Variants in FAM53A observed in about 807,000 individuals in gnomAD.
FAM53A encodes the protein protein FAM53A.
FAM53A carries 28 observed loss-of-function variants against 26.6 expected under a neutral mutation model. The observed-to-expected ratio is 1.05, with a 90% CI of 0.78 to 1.45. FAM53A has a LOEUF of 1.45. Ranked by LOEUF, FAM53A falls within the 40% of genes most tolerant of loss-of-function variation. The probability of loss-of-function intolerance (pLI) is 0.00; values close to 1 mark genes in which losing one functional copy is unlikely to be tolerated. For synonymous variants in FAM53A, 290 were observed against 253.1 expected (o/e 1.15, Z -1.38); for missense variants, 650 against 575.8 (o/e 1.13, Z -1.32).
the FAM53A span, among the ~76,000 whole-genome samples, chr4:1,588,651 C>G: frequency 2.0e-5 from 3 of 152,232 alleles, no homozygotes; most frequent in African/African-American, 7.2e-5. Flanking sequence ...CCCAGGCAAG[C>G]CTTCAGGTGA....
At chr4:1,673,125 C>A (rs1246354940) in intron 1 of FAM53A, among the ~76,000 whole-genome samples, 1 of 152,130 alleles carries the variant, frequency 6.6e-6, no homozygotes, top group Non-Finnish European at 1.5e-5. Flanking sequence ...CAAAACAGGC[C>A]AACTCTACAA....
At chr4:1,603,359 C>T in the FAM53A span, among the ~76,000 whole-genome samples, 4 of 152,210 alleles carry the variant, frequency 2.6e-5, no homozygotes, top group East Asian at 1.9e-4. Flanking sequence ...AGGGGCGAGA[C>T]GGCTCCCCTC....
chr4:1,614,601 G>A (rs188868463), downstream of FAM53A, among the ~76,000 whole-genome samples: 576 of 152,192 alleles, frequency 3.8e-3, 5 homozygotes, highest in African/African-American at 0.013. Context: ...GCAAGAGGAC[G>A]GGGCGCCAGG....
chr4:1,677,326 G>A (rs1048064372), intron 1 of FAM53A, among the ~76,000 whole-genome samples: 6 of 152,126 alleles, frequency 3.9e-5, no homozygotes, highest in East Asian at 1.9e-4. Context: ...CTGCATCTCC[G>A]TCTGTTCCTG....
intron 4 of FAM53A, among the ~76,000 whole-genome samples, chr4:1,646,467 CA>C (rs1420688593): frequency 6.6e-6 from 1 of 152,172 alleles, no homozygotes; most frequent in East Asian, 1.9e-4. Flanking sequence ...GTTACAGCAG[CA>C]AAAACAAACT....
intron 1 of FAM53A, among the ~76,000 whole-genome samples, chr4:1,618,840 C>T (rs1327400827): frequency 2.6e-5 from 4 of 152,158 alleles, no homozygotes; most frequent in African/African-American, 7.2e-5. Flanking sequence ...CCCCAGCCCC[C>T]GACCCCCAGC....
chr4:1,674,792 A>C (rs931681331), intron 1 of FAM53A, among the ~76,000 whole-genome samples: 1 of 152,174 alleles, frequency 6.6e-6, no homozygotes, highest in African/African-American at 2.4e-5. Context: ...CACACACACA[A>C]TGTCAGGCCC....
upstream of FAM53A, among the ~76,000 whole-genome samples, chr4:1,685,236 CAGG>C (rs1357857687): frequency 3.9e-5 from 6 of 152,106 alleles, no homozygotes; most frequent in Admixed American, 1.3e-4. Flanking sequence ...CTCAAAGGTG[CAGG>C]AGAACAATGC....
At chr4:1,677,271 G>A (rs754438145) in intron 1 of FAM53A, among the ~76,000 whole-genome samples, 7 of 152,194 alleles carry the variant, frequency 4.6e-5, no homozygotes, top group African/African-American at 7.2e-5. Context: ...CAGAGACCAC[G>A]TCCTTCCAGC....
chr4:1,587,379 C>T, the FAM53A span, among the ~76,000 whole-genome samples: 1 of 152,150 alleles, frequency 6.6e-6, no homozygotes, highest in Admixed American at 6.5e-5. Flanking sequence ...TTTAAAACCT[C>T]TTCCCTTTCT....
chr4:1,631,618 C>G (rs893441221), intron 1 of FAM53A, among the ~76,000 whole-genome samples: 5 of 152,112 alleles, frequency 3.3e-5, no homozygotes, highest in Admixed American at 1.3e-4. Flanking sequence ...TCTGAGACGC[C>G]CCAGAGAAAG....
In FAM53A at chr4:1,655,476, C is replaced by T. The variant is rs371772875; in HGVS notation, c.384G>A (p.Glu128=). ...AGGGGGACCGGCAGCGCACAAGCTC[C>T]TCGGGTTCTGACAAGGACCGGCAAT... ...KRHCRSLSEP[E]ELVRCRSPWR... The change falls in exon 4 of 5, where the codon GAG becomes GAA. Residue 128 remains glutamate, a synonymous_variant. Transcript: ENST00000308132. 1,279 of 1,574,378 alleles carry T rather than the reference C, an allele frequency of 8.1e-4. 8 individuals are homozygous for T. The African/African-American group carries it at 0.015, about 19-fold the overall frequency.
the FAM53A span, among the ~76,000 whole-genome samples, chr4:1,610,844 G>A: frequency 9.2e-5 from 14 of 152,092 alleles, no homozygotes; most frequent in African/African-American, 3.4e-4. Flanking sequence ...TCAAAACACT[G>A]GCCCCTGCCC....
At chr4:1,662,883 A>G (rs1388712225) in intron 2 of FAM53A, among the ~76,000 whole-genome samples, 1 of 152,080 alleles carries the variant, frequency 6.6e-6, no homozygotes, top group Non-Finnish European at 1.5e-5. Flanking sequence ...ATGGACAATA[A>G]CACGCGTTGA....
the FAM53A span, among the ~76,000 whole-genome samples, chr4:1,586,476 T>G: frequency 3.3e-5 from 5 of 152,156 alleles, no homozygotes; most frequent in East Asian, 9.7e-4. Context: ...TTTCTTTCAA[T>G]ATATTCTCAG....
intron 1 of FAM53A, among the ~76,000 whole-genome samples, chr4:1,618,905 T>C (rs1480715214): frequency 3.3e-5 from 5 of 152,138 alleles, no homozygotes; most frequent in Non-Finnish European, 7.4e-5. Flanking sequence ...TCAGGGCTTA[T>C]CTGCGGCAGC....
At chr4:1,577,019 C>A in the FAM53A span, among the ~76,000 whole-genome samples, 1 of 151,908 alleles carries the variant, frequency 6.6e-6, no homozygotes, top group Non-Finnish European at 1.5e-5. Flanking sequence ...CTCCCTCCAG[C>A]CCTCTGTGCA....
At position 1,672,314 on chromosome 4, in the gene FAM53A, ATG is replaced by A. The variant is rs1714733197; in HGVS notation, c.-164-3411_-164-3410del. 8.7e-5 allele frequency among the ~76,000 whole-genome samples: 7 copies of A among 80,172 alleles called. 1 individual carries two copies. The highest frequency in any genetic ancestry group is 1.3e-4 in the Non-Finnish European group (4 of 30,632). 52.6% of individuals were successfully genotyped at this position (80,172 alleles called of 152,430 possible). ...CACAGACCCAGGAACCCATGAACCC[ATG>A]GACCCACAAACCCAGGAACCCATAG... On this transcript the variant is annotated intron_variant, in intron 1 of 4. Transcript: ENST00000308132.
the FAM53A span, among the ~76,000 whole-genome samples, chr4:1,610,599 A>G: frequency 1.3e-5 from 2 of 150,808 alleles, no homozygotes; most frequent in Non-Finnish European, 3.0e-5. Flanking sequence ...GGGTGGAGAG[A>G]CTGCAAAGTC....
Sources: gnomAD v4.1 joint callset for allele counts (sites outside exome capture counted in the v4.1 genomes callset) on GRCh38, gnomAD v4.1.1 for gene constraint, MANE v1.5 for transcripts, NCBI Gene and HGNC (gene_info 2026-07-23, HGNC 2026-07-21) for gene names.